Variants in MEI4 observed in about 807,000 individuals in gnomAD.
MEI4 encodes meiotic double-stranded break formation protein 4.
In MEI4, 27 loss-of-function variants were observed where a neutral mutation model predicts 31.4. The observed-to-expected ratio is 0.86, with a 90% CI of 0.63 to 1.19. The LOEUF (loss-of-function observed/expected upper bound fraction) is 1.19, where lower values mean the gene tolerates loss of function less well. Ranked by LOEUF, MEI4 falls within the 50% of genes most tolerant of loss-of-function variation. MEI4 has a pLI of 0.00. For missense variants in MEI4, 329 were observed against 398.9 expected (o/e 0.82, Z 1.49); for synonymous variants, 122 against 145.4 (o/e 0.84, Z 1.16).
At chr6:77,911,438 T>G (rs753077833) in intron 4 of MEI4, among the ~76,000 whole-genome samples, 2 of 151,958 alleles carry the variant, frequency 1.3e-5, no homozygotes, top group Non-Finnish European at 2.9e-5. Flanking sequence ...TAGGTAGTTG[T>G]TCAGGTATTA....
Position 77,765,295 on chromosome 6 carries a change from G to A in MEI4, c.768+3630G>A, listed in dbSNP as rs561126108. On this transcript the variant is annotated intron_variant, in intron 3 of 4. Transcript: ENST00000684080. ...CTATGCCCAAGACAATGTTGAGTTT[G>A]TTGTAGCAGCAACGTGAGATATTTT... 1.8e-4 allele frequency among the ~76,000 whole-genome samples: 27 copies of A among 149,738 alleles called. No individual in the cohort carries two copies. In the East Asian group the frequency reaches 5.2e-3, roughly 29 times the overall value.
chr6:77,787,110 T>C (rs946265359), intron 3 of MEI4, among the ~76,000 whole-genome samples: 1 of 152,072 alleles, frequency 6.6e-6, no homozygotes, highest in Non-Finnish European at 1.5e-5. Flanking sequence ...GTAGACACAT[T>C]GTGTTCCCAG....
chr6:77,777,816 A>T (rs1438059893), intron 3 of MEI4, among the ~76,000 whole-genome samples: 2 of 152,174 alleles, frequency 1.3e-5, no homozygotes, highest in Non-Finnish European at 2.9e-5. Context: ...ATTCTCAGAA[A>T]GGTAAAAGCA....
intron 3 of MEI4, among the ~76,000 whole-genome samples, chr6:77,772,703 G>T (rs1166856746): frequency 6.6e-6 from 1 of 151,926 alleles, no homozygotes; most frequent in African/African-American, 2.4e-5. Flanking sequence ...GGAAATTCTA[G>T]CTAGAACAAT....
At chr6:77,698,440 G>T (rs1041000187) in intron 2 of MEI4, among the ~76,000 whole-genome samples, 3 of 152,146 alleles carry the variant, frequency 2.0e-5, no homozygotes, top group African/African-American at 7.2e-5. Context: ...GCTTCCTTCA[G>T]GAGCTCTTTT....
At chr6:77,873,584 G>C (rs909542473) in intron 4 of MEI4, among the ~76,000 whole-genome samples, 12 of 152,110 alleles carry the variant, frequency 7.9e-5, no homozygotes, top group Non-Finnish European at 1.5e-4. Flanking sequence ...AGTTTCTTTT[G>C]CTGTGCAGAA....
chr6:77,887,921 T>C (rs1261710697), intron 4 of MEI4, among the ~76,000 whole-genome samples: 1 of 152,216 alleles, frequency 6.6e-6, no homozygotes, highest in African/African-American at 2.4e-5. Flanking sequence ...GATCTATTGG[T>C]ATTGCTTTAT....
chr6:77,651,673 A>G (rs1378257605), upstream of MEI4, among the ~76,000 whole-genome samples: 1 of 152,226 alleles, frequency 6.6e-6, no homozygotes, highest in South Asian at 2.1e-4. Context: ...TTATTTTTAT[A>G]TATGAGGACT....
At chr6:77,651,713 G>A (rs189858396), upstream of MEI4, among the ~76,000 whole-genome samples, 31 of 152,238 alleles carry the variant, frequency 2.0e-4, 1 homozygote, top group Admixed American at 2.0e-3. Flanking sequence ...CAGATCAAAT[G>A]AAATAAAGAG....
intron 4 of MEI4, among the ~76,000 whole-genome samples, chr6:77,915,064 T>G (rs1766513793): frequency 6.6e-6 from 1 of 152,116 alleles, no homozygotes; most frequent in African/African-American, 2.4e-5. Context: ...AAGGTTGTTA[T>G]TAATATGTGA....
chr6:77,659,900 T>C (rs909220533), intron 1 of MEI4, among the ~76,000 whole-genome samples: 2 of 152,084 alleles, frequency 1.3e-5, no homozygotes, highest in African/African-American at 2.4e-5. Flanking sequence ...ACAGGAATAG[T>C]AGTTTGTGTT....
intron 1 of MEI4, among the ~76,000 whole-genome samples, chr6:77,665,982 G>T (rs188833936): frequency 6.6e-6 from 1 of 152,136 alleles, no homozygotes; most frequent in Non-Finnish European, 1.5e-5. Flanking sequence ...CCCCCGATCC[G>T]AGTCACGGCA....
intron 3 of MEI4, among the ~76,000 whole-genome samples, chr6:77,762,069 G>A (rs896784745): frequency 6.6e-6 from 1 of 152,056 alleles, no homozygotes; most frequent in African/African-American, 2.4e-5. Flanking sequence ...TCCTCATGAT[G>A]GATTATCTGT....
intron 4 of MEI4, among the ~76,000 whole-genome samples, chr6:77,867,369 A>T (rs536814047): frequency 6.6e-6 from 1 of 152,212 alleles, no homozygotes; most frequent in Non-Finnish European, 1.5e-5. Flanking sequence ...AACTCAAACA[A>T]ATTTACAAGA....
chr6:77,671,193 A>G (rs1365112997), intron 1 of MEI4, among the ~76,000 whole-genome samples: 1 of 150,790 alleles, frequency 6.6e-6, no homozygotes, highest in South Asian at 2.1e-4. Flanking sequence ...AGTAGCTGGG[A>G]CTACAGGTGT....
chr6:77,899,056 A>G (rs1361650395), intron 4 of MEI4, among the ~76,000 whole-genome samples: 1 of 151,980 alleles, frequency 6.6e-6, no homozygotes, highest in Non-Finnish European at 1.5e-5. Context: ...GGTGTCCCTC[A>G]TTCTCAAGCT....
chr6:77,667,826 T>C (rs1188542493), intron 1 of MEI4, among the ~76,000 whole-genome samples: 1 of 151,026 alleles, frequency 6.6e-6, no homozygotes, highest in East Asian at 2.0e-4. Flanking sequence ...TGAGAGCAAG[T>C]GGTTTGTTAG....
At chr6:77,839,583 T>A (rs192704993) in intron 4 of MEI4, among the ~76,000 whole-genome samples, 1 of 151,990 alleles carries the variant, frequency 6.6e-6, no homozygotes, top group Non-Finnish European at 1.5e-5. Context: ...CCAGGCAAAC[T>A]CCCAAGTGGT....
intron 4 of MEI4, among the ~76,000 whole-genome samples, chr6:77,872,528 T>C (rs1307813914): frequency 6.6e-6 from 1 of 152,056 alleles, no homozygotes; most frequent in African/African-American, 2.4e-5. Flanking sequence ...AGAGTTGTTA[T>C]TTGTGACCCC....
Sources: gnomAD v4.1 joint callset for allele counts (sites outside exome capture counted in the v4.1 genomes callset) on GRCh38, gnomAD v4.1.1 for gene constraint, MANE v1.5 for transcripts, NCBI Gene and HGNC (gene_info 2026-07-23, HGNC 2026-07-21) for gene names.